The following MCF2 variants were observed in gnomAD, a reference collection of about 807,000 sequenced individuals.
The protein encoded by MCF2 is proto-oncogene DBL.
A neutral mutation model predicts 82.5 loss-of-function variants in MCF2; 44 were observed. The ratio of observed to expected loss-of-function variants is 0.53; its 90% CI spans 0.42 to 0.69. The LOEUF (loss-of-function observed/expected upper bound fraction) is 0.69. Among genes scored for constraint, MCF2 ranks in the 30% least tolerant of loss-of-function variants. The probability of loss-of-function intolerance (pLI) is 0.00; values close to 1 mark genes in which losing one functional copy is unlikely to be tolerated. For missense variants in MCF2, 623 were observed against 663.1 expected (o/e 0.94, Z 0.66); for synonymous variants, 217 against 224.9 (o/e 0.96, Z 0.32).
intron 1 of MCF2, among the ~76,000 whole-genome samples, chrX:139,700,397 C>T (rs1027314859): frequency 8.9e-6 from 1 of 111,930 alleles, no homozygotes. Context: ...CTCATCTGAG[C>T]CTCCCCCAGG....
At chrX:139,637,699 A>G (rs1479359697) in intron 1 of MCF2, among the ~76,000 whole-genome samples, 2 of 111,489 alleles carry the variant, frequency 1.8e-5, no homozygotes, top group African/African-American at 3.3e-5. Context: ...TTTTGTCCTC[A>G]TTTCACAACT....
intron 10 of MCF2, among the ~76,000 whole-genome samples, chrX:139,612,004 G>C (rs1931531774): frequency 9.0e-6 from 1 of 110,572 alleles, no homozygotes; most frequent in South Asian, 3.8e-4. Context: ...AAGTGGAAGA[G>C]ACAGAAAGAC....
chrX:139,604,011 C>T (rs1415705679), intron 15 of MCF2, among the ~76,000 whole-genome samples: 1 of 111,388 alleles, frequency 9.0e-6, no homozygotes, highest in African/African-American at 3.3e-5. Context: ...CAAGACAAAA[C>T]TGATCTTTCA....
At chrX:139,702,762 C>T (rs1264768108) in intron 1 of MCF2, among the ~76,000 whole-genome samples, 1 of 112,524 alleles carries the variant, frequency 8.9e-6, no homozygotes, top group East Asian at 2.8e-4. Flanking sequence ...AGCTGGCCCT[C>T]ACTAGCTGGT....
At chrX:139,645,491 T>TA (rs1933770396), upstream of MCF2, 2 of 565,014 alleles carry the variant, frequency 3.5e-6, no homozygotes, top group Admixed American at 6.8e-5. Context: ...AGTACCAAAG[T>TA]AATCTATACC....
exon 1 of MCF2, chrX:139,642,634 A>AGCT (rs1933637630): frequency 8.4e-7 from 1 of 1,189,069 alleles, no homozygotes; most frequent in Non-Finnish European, 1.1e-6. Context: ...TATCAAACAA[A>AGCT]GCTGCCGTGG....
intron 1 of MCF2, among the ~76,000 whole-genome samples, chrX:139,632,736 T>C (rs1932991355): frequency 1.8e-5 from 2 of 111,745 alleles, no homozygotes. Flanking sequence ...CTAAATCTTA[T>C]TTTAGAGTTA....
intron 11 of MCF2, among the ~76,000 whole-genome samples, chrX:139,608,929 A>G (rs1355118185): frequency 8.9e-6 from 1 of 111,932 alleles, no homozygotes; most frequent in Non-Finnish European, 1.9e-5. Flanking sequence ...GGCTTCGTGT[A>G]TCAGTATAGA....
exon 1 of MCF2, chrX:139,708,152 G>A (rs1273997163): frequency 2.7e-5 from 3 of 111,539 alleles, no homozygotes; most frequent in Non-Finnish European, 3.8e-5. Flanking sequence ...CTGTTTCCTC[G>A]GCCAAAAGAA....
chrX:139,642,874 T>C, exon 1 of MCF2: 4 of 886,960 alleles, frequency 4.5e-6, no homozygotes, highest in Non-Finnish European at 5.5e-6. Flanking sequence ...AAAAACCAGC[T>C]CTCTTCCTAG....
intron 1 of MCF2, among the ~76,000 whole-genome samples, chrX:139,663,676 AT>A (rs1934422852): frequency 9.4e-6 from 1 of 106,888 alleles, no homozygotes; most frequent in African/African-American, 3.4e-5. Flanking sequence ...AGTTCTTATC[AT>A]TTAGCTCCCA....
intron 1 of MCF2, among the ~76,000 whole-genome samples, chrX:139,638,042 T>A (rs1933337126): frequency 8.9e-6 from 1 of 111,738 alleles, no homozygotes; most frequent in Non-Finnish European, 1.9e-5. Flanking sequence ...GACCCTTGAT[T>A]TTTAGCCCAG....
intron 1 of MCF2, among the ~76,000 whole-genome samples, chrX:139,700,279 G>A (rs934899484): frequency 5.4e-5 from 6 of 110,827 alleles, no homozygotes; most frequent in African/African-American, 2.0e-4. Context: ...ATCCAAGCCA[G>A]ATTTCTTTTC....
At chrX:139,639,096 G>C (rs771683177) in intron 1 of MCF2, among the ~76,000 whole-genome samples, 2 of 110,744 alleles carry the variant, frequency 1.8e-5, no homozygotes, top group Non-Finnish European at 3.8e-5. Flanking sequence ...TTTTGGTTTG[G>C]GAATATTATA....
At chrX:139,649,696 TAATTA>T (rs1336197490) in intron 2 of MCF2, among the ~76,000 whole-genome samples, 1 of 111,988 alleles carries the variant, frequency 8.9e-6, no homozygotes, top group Non-Finnish European at 1.9e-5. Flanking sequence ...CAGGAAGTTT[TAATTA>T]TTTTTTACCA....
intron 1 of MCF2, among the ~76,000 whole-genome samples, chrX:139,696,231 A>G (rs781042287): frequency 4.5e-5 from 5 of 110,903 alleles, no homozygotes; most frequent in African/African-American, 1.6e-4. Context: ...AGTAGGACAC[A>G]GGGAATTTGA....
At chrX:139,597,643 A>G in intron 17 of MCF2, 58 bp from the exon 22 acceptor site, 1 of 1,012,575 alleles carries the variant, frequency 9.9e-7, no homozygotes, top group South Asian at 2.1e-5. Flanking sequence ...GTTGAAATGA[A>G]TAAGTTTTTG....
Position 139,608,697 on chromosome X carries a change from A to T in MCF2, c.1402-918T>A, listed in dbSNP as rs145760975. Among the ~76,000 whole-genome samples, 572 of 111,939 alleles carry T rather than the reference A, an allele frequency of 5.1e-3. 5 individuals are homozygous for T. Among genetic ancestry groups the T allele is most frequent in the African/African-American group, 0.018 (549 of 30,863 alleles). On this transcript the variant is annotated intron_variant, in intron 11 of 24. Coordinates refer to ENST00000370576, the Ensembl canonical transcript of MCF2. Reference sequence around the variant, plus strand: ...TTACAAATGAAAGAAACAAGCATGTATTATGACTTTCTATATATTAGGCAA... The same window carrying T: ...TTACAAATGAAAGAAACAAGCATGTTTTATGACTTTCTATATATTAGGCAA...
chrX:139,593,088 A>T (rs1929664562), intron 19 of MCF2, among the ~76,000 whole-genome samples: 1 of 111,895 alleles, frequency 8.9e-6, no homozygotes, highest in Admixed American at 9.5e-5. Flanking sequence ...TATTTTTGAA[A>T]TTTTTTGTGA....
Sources: allele counts gnomAD v4.1 joint callset (sites outside exome capture counted in the v4.1 genomes callset), GRCh38; gene constraint gnomAD v4.1.1; transcripts MANE v1.5; gene names NCBI Gene and HGNC (gene_info 2026-07-23, HGNC 2026-07-21).